The following QTMAN variants were observed in gnomAD, a reference collection of about 807,000 sequenced individuals.
The protein encoded by QTMAN is tRNA-queuosine alpha-mannosyltransferase.
chr2:144,215,273 T>TATAC, the QTMAN span, among the ~76,000 whole-genome samples: 7 of 143,790 alleles, frequency 4.9e-5, no homozygotes, highest in East Asian at 2.0e-4. Flanking sequence ...TATATATATA[T>TATAC]ACACACACAC....
the QTMAN span, among the ~76,000 whole-genome samples, chr2:144,238,338 T>C: frequency 1.1e-4 from 16 of 152,314 alleles, no homozygotes; most frequent in African/African-American, 3.1e-4. Context: ...CCTAGTCTCA[T>C]AGACTCTAAG....
chr2:144,258,690 A>G, the QTMAN span, among the ~76,000 whole-genome samples: 1 of 152,236 alleles, frequency 6.6e-6, no homozygotes, highest in Non-Finnish European at 1.5e-5. Flanking sequence ...GGACAGACAT[A>G]TAAGTATATA....
the QTMAN span, among the ~76,000 whole-genome samples, chr2:143,957,551 C>T: frequency 6.6e-6 from 1 of 152,064 alleles, no homozygotes; most frequent in South Asian, 2.1e-4. Flanking sequence ...CCCGCCTCGC[C>T]ACCCTCCCCC....
chr2:144,119,238 A>G, the QTMAN span, among the ~76,000 whole-genome samples: 2 of 152,188 alleles, frequency 1.3e-5, no homozygotes, highest in Admixed American at 6.5e-5. Context: ...GAGAGGCAGC[A>G]AGGAATTCAG....
At chr2:144,221,674 T>C in the QTMAN span, among the ~76,000 whole-genome samples, 1 of 152,234 alleles carries the variant, frequency 6.6e-6, no homozygotes, top group Non-Finnish European at 1.5e-5. Flanking sequence ...GCCAAATTGT[T>C]TGATATAACA....
the QTMAN span, chr2:143,939,804 G>A: frequency 6.6e-6 from 1 of 152,194 alleles, no homozygotes; most frequent in Non-Finnish European, 1.5e-5. Flanking sequence ...GTAACATTCA[G>A]TAATTACAGC....
the QTMAN span, among the ~76,000 whole-genome samples, chr2:144,066,898 AC>A: frequency 6.6e-6 from 1 of 152,160 alleles, no homozygotes; most frequent in South Asian, 2.1e-4. Context: ...ATCTGTTTCT[AC>A]CATGGTCTTC....
At chr2:143,989,473 C>A in the QTMAN span, among the ~76,000 whole-genome samples, 3 of 152,056 alleles carry the variant, frequency 2.0e-5, no homozygotes, top group African/African-American at 4.8e-5. Flanking sequence ...CTCCAATCAC[C>A]AGCCCTCAAA....
At chr2:144,218,276 C>T in the QTMAN span, among the ~76,000 whole-genome samples, 1 of 152,174 alleles carries the variant, frequency 6.6e-6, no homozygotes, top group South Asian at 2.1e-4. Context: ...TTTCACCCCT[C>T]AATCTAAGGA....
At chr2:144,115,180 G>A in the QTMAN span, among the ~76,000 whole-genome samples, 4 of 151,444 alleles carry the variant, frequency 2.6e-5, no homozygotes, top group East Asian at 1.9e-4. Context: ...GCAGTAAGCC[G>A]AGATCACACC....
At chr2:144,278,826 G>A in the QTMAN span, among the ~76,000 whole-genome samples, 1 of 152,040 alleles carries the variant, frequency 6.6e-6, no homozygotes, top group African/African-American at 2.4e-5. Flanking sequence ...CAAGTGTGAT[G>A]TTCAAATACA....
chr2:144,015,211 A>T, the QTMAN span, among the ~76,000 whole-genome samples: 1 of 152,032 alleles, frequency 6.6e-6, no homozygotes, highest in African/African-American at 2.4e-5. Flanking sequence ...ATGTACACTC[A>T]CTTCTCACGA....
chr2:143,972,345 G>A, the QTMAN span, among the ~76,000 whole-genome samples: 11 of 152,038 alleles, frequency 7.2e-5, no homozygotes, highest in Non-Finnish European at 1.5e-4. Flanking sequence ...TATCACCATA[G>A]GGAAATCTAG....
At chr2:144,097,786 C>T in the QTMAN span, among the ~76,000 whole-genome samples, 1 of 152,194 alleles carries the variant, frequency 6.6e-6, no homozygotes, top group Non-Finnish European at 1.5e-5. Context: ...TTTATGCTTG[C>T]TCCTCCAGTC....
chr2:144,145,983 TAAAAAAAAAAAAA>T, the QTMAN span: 300 of 19,474 alleles, frequency 0.015, 6 homozygotes, highest in African/African-American at 0.032. Context: ...TGAGAAATGT[TAAAAAAAAAAAAA>T]AAAAAAAAAA....
the QTMAN span, among the ~76,000 whole-genome samples, chr2:144,300,032 G>A: frequency 1.6e-4 from 24 of 152,332 alleles, no homozygotes; most frequent in African/African-American, 4.3e-4. Flanking sequence ...GGCAAATGCC[G>A]TATGATTCAA....
At chr2:143,957,193 AC>A in the QTMAN span, 1 of 1,585,396 alleles carries the variant, frequency 6.3e-7, no homozygotes, top group South Asian at 1.2e-5. Flanking sequence ...GAAAGAACTT[AC>A]ATTGCCACTC....
the QTMAN span, among the ~76,000 whole-genome samples, chr2:144,169,304 T>C: frequency 9.2e-5 from 14 of 152,152 alleles, no homozygotes; most frequent in African/African-American, 3.4e-4. Flanking sequence ...AATTTGTTTA[T>C]TTTCTACTAT....
the QTMAN span, among the ~76,000 whole-genome samples, chr2:144,246,312 G>A: frequency 3.3e-5 from 5 of 152,026 alleles, no homozygotes; most frequent in East Asian, 7.7e-4. Flanking sequence ...GGTGGCTCAC[G>A]CCTGTAATCC....
Sources: gnomAD v4.1 joint callset for allele counts (sites outside exome capture counted in the v4.1 genomes callset) on GRCh38, gnomAD v4.1.1 for gene constraint, MANE v1.5 for transcripts, NCBI Gene and HGNC (gene_info 2026-07-23, HGNC 2026-07-21) for gene names.